The following EIF4G3 variants were observed in gnomAD, a reference collection of about 807,000 sequenced individuals.
The protein encoded by EIF4G3 is eukaryotic translation initiation factor 4 gamma 3, also known as eIF-4-gamma 3.
Under a neutral mutation model 186.4 loss-of-function variants are expected in EIF4G3, and 34 were observed. The observed-to-expected ratio is 0.18, with a 90% CI of 0.14 to 0.24. EIF4G3 has a LOEUF of 0.24. Among genes scored for constraint, EIF4G3 ranks in the 10% least tolerant of loss-of-function variants. The pLI is 1.00. For synonymous variants in EIF4G3, 673 were observed against 679.5 expected (o/e 0.99, Z 0.15); for missense variants, 1,536 against 1,948.5 (o/e 0.79, Z 3.99).
At chr1:20,930,530 T>C (rs2095257891) in intron 14 of EIF4G3, among the ~76,000 whole-genome samples, 1 of 152,188 alleles carries the variant, frequency 6.6e-6, no homozygotes, top group Admixed American at 6.5e-5. Flanking sequence ...TATCATGAGA[T>C]TGCAGTAACT....
intron 3 of EIF4G3, among the ~76,000 whole-genome samples, chr1:21,067,127 TTTTC>T (rs1305672410): frequency 2.2e-5 from 3 of 134,262 alleles, no homozygotes; most frequent in African/African-American, 8.0e-5. Flanking sequence ...AATTTTTTTC[TTTTC>T]TTTTTTTTTT....
At chr1:20,968,847 T>C (rs2075261869) in intron 12 of EIF4G3, among the ~76,000 whole-genome samples, 1 of 152,220 alleles carries the variant, frequency 6.6e-6, no homozygotes, top group Non-Finnish European at 1.5e-5. Flanking sequence ...ATGCAAATAC[T>C]ACGCCATTTT....
intron 35 of EIF4G3, 41 bp downstream of exon 35, chr1:20,813,117 G>T (rs1438229414): frequency 1.5e-6 from 2 of 1,346,172 alleles, no homozygotes; most frequent in Non-Finnish European, 2.1e-6. Context: ...ACATAATGGG[G>T]ATTTCAGATG....
Position 20,901,408 on chromosome 1 carries a change from T to C in EIF4G3, c.1753-1465A>G, listed in dbSNP as rs144756840. The stretch of plus-strand genomic sequence containing the variant: ...CATTTAATAATCTGAGATATCAGTA[T>C]GTAAATGGTATTTAAACTTATTAAA... On this transcript the variant is annotated intron_variant, in intron 15 of 36. Transcript: ENST00000602326. 5.2e-3 allele frequency among the ~76,000 whole-genome samples: 786 copies of C among 152,280 alleles called. 7 individuals are homozygous for C. Among genetic ancestry groups the C allele is most frequent in the African/African-American group, 0.018 (755 of 41,570 alleles).
At chr1:21,010,920 A>T (rs900952938) in intron 4 of EIF4G3, among the ~76,000 whole-genome samples, 2 of 152,208 alleles carry the variant, frequency 1.3e-5, no homozygotes, top group Non-Finnish European at 2.9e-5. Context: ...GCTACTGATT[A>T]TCACAGTGTG....
chr1:21,084,768 G>T, intron 3 of EIF4G3, among the ~76,000 whole-genome samples: 1 of 151,954 alleles, frequency 6.6e-6, no homozygotes, highest in East Asian at 1.9e-4. Context: ...TTCCCTGAGA[G>T]AATTAGTTAA....
intron 20 of EIF4G3, among the ~76,000 whole-genome samples, chr1:20,872,394 A>T (rs2079469001): frequency 6.6e-6 from 1 of 151,970 alleles, no homozygotes; most frequent in Non-Finnish European, 1.5e-5. Flanking sequence ...CCCAACTGGG[A>T]TTATTGGCAT....
intron 2 of EIF4G3, among the ~76,000 whole-genome samples, chr1:21,110,596 A>T (rs762160330): frequency 6.6e-6 from 1 of 150,820 alleles, no homozygotes; most frequent in Non-Finnish European, 1.5e-5. Context: ...CGCCTGGCCT[A>T]ATTTTTGTAT....
intron 2 of EIF4G3, among the ~76,000 whole-genome samples, chr1:21,123,867 A>G (rs1450751505): frequency 6.6e-6 from 1 of 152,192 alleles, no homozygotes; most frequent in Non-Finnish European, 1.5e-5. Flanking sequence ...CATTTCTAAG[A>G]GACAGAATTG....
Position 20,981,159 on chromosome 1 carries a change from A to C in EIF4G3, c.267T>G (p.Pro89=), listed in dbSNP as rs1359715488. The change falls in exon 9 of 37, where the codon CCT becomes CCG. Residue 89 remains proline, a synonymous_variant. Transcript: ENST00000602326. ...TIPNSSPSIR[P]GAQTPTAVYQ... The stretch of plus-strand genomic sequence containing the variant: ...ACACTGCAGTGGGTGTCTGTGCACC[A>C]GGACGAATGGAAGGACTGCTGTTCG... The C allele has an allele frequency of 6.2e-7, 1 of 1,613,862 alleles. No individual in the cohort carries two copies. Among genetic ancestry groups the C allele is most frequent in the East Asian group, 2.2e-5 (1 of 44,872 alleles).
At chr1:21,012,395 T>A (rs182127155) in intron 4 of EIF4G3, among the ~76,000 whole-genome samples, 8 of 152,240 alleles carry the variant, frequency 5.3e-5, no homozygotes, top group Admixed American at 4.6e-4. Context: ...ATAAGAGAAG[T>A]AGCAAAAATT....
intron 2 of EIF4G3, chr1:21,111,383 G>A: frequency 2.1e-6 from 1 of 471,596 alleles, no homozygotes. Flanking sequence ...CTGTGGGATT[G>A]CTGGAAAGAA....
chr1:20,972,766 G>A (rs904791314), intron 11 of EIF4G3, among the ~76,000 whole-genome samples: 2 of 152,086 alleles, frequency 1.3e-5, no homozygotes, highest in Non-Finnish European at 2.9e-5. Context: ...ATGTTGTCAT[G>A]TAGCAAACCT....
intron 2 of EIF4G3, among the ~76,000 whole-genome samples, chr1:21,170,958 T>TGACA (rs1352421165): frequency 6.6e-6 from 1 of 151,102 alleles, no homozygotes; most frequent in Non-Finnish European, 1.5e-5. Flanking sequence ...CCAGCCTGGG[T>TGACA]GACAGAGCAA....
In EIF4G3 at chr1:20,865,108, A is replaced by C; in HGVS notation, c.2769+8T>G. The C allele has an allele frequency of 6.2e-7, 1 of 1,613,996 alleles. No homozygotes were observed. Among genetic ancestry groups the C allele is most frequent in the Non-Finnish European group, 8.5e-7 (1 of 1,179,954 alleles). Reference sequence around the variant, plus strand: ...GTACAAGCACTGTCTTTCTATGAAAATACTTACAGCACTGGCAGCCTCAAG... The same window carrying C: ...GTACAAGCACTGTCTTTCTATGAAACTACTTACAGCACTGGCAGCCTCAAG... On this transcript the variant is annotated splice_region_variant and intron_variant, in intron 21 of 36. Transcript: ENST00000602326.
In EIF4G3 at chr1:21,069,226, A is replaced by AC. The variant is rs1572044780; in HGVS notation, c.-195-18233_-195-18232insG. On this transcript the variant is annotated intron_variant, in intron 3 of 36. Transcript: ENST00000602326. ...GCCCACCTACATTTTATGGCTTCTT[A>AC]GAGTTCATCTAGATACCATCTTTCT... 2.0e-5 allele frequency among the ~76,000 whole-genome samples: 3 copies of AC among 152,190 alleles called. No homozygotes were observed. In the East Asian group the frequency reaches 5.8e-4, roughly 29 times the overall value.
At chr1:21,172,613 A>G (rs1236064701) in intron 2 of EIF4G3, among the ~76,000 whole-genome samples, 1 of 152,082 alleles carries the variant, frequency 6.6e-6, no homozygotes, top group Non-Finnish European at 1.5e-5. Context: ...CAGTAGAGCG[A>G]TCTCGGCTCA....
intron 7 of EIF4G3, among the ~76,000 whole-genome samples, chr1:20,995,318 G>T (rs946018317): frequency 6.6e-6 from 1 of 152,040 alleles, no homozygotes; most frequent in Non-Finnish European, 1.5e-5. Context: ...GTCTTTAAAA[G>T]AGTTACTAGT....
At chr1:21,094,774 A>AATAATAATAATG (rs2096313571) in intron 2 of EIF4G3, among the ~76,000 whole-genome samples, 1 of 121,544 alleles carries the variant, frequency 8.2e-6, no homozygotes, top group Admixed American at 8.4e-5. Flanking sequence ...GTATAATAAT[A>AATAATAATAATG]ATAATAATAA....
Sources: allele counts gnomAD v4.1 joint callset (sites outside exome capture counted in the v4.1 genomes callset), GRCh38; gene constraint gnomAD v4.1.1; transcripts MANE v1.5; gene names NCBI Gene and HGNC (gene_info 2026-07-23, HGNC 2026-07-21).